FGF12: variants seen among roughly 807,000 people sequenced by gnomAD.
The protein encoded by FGF12 is fibroblast growth factor 12.
FGF12 carries 14 observed loss-of-function variants against 23.6 expected under a neutral mutation model. The observed-to-expected ratio is 0.59, with a 90% CI of 0.39 to 0.93. FGF12 has a LOEUF of 0.93. Among genes scored for constraint, FGF12 ranks in the 40% least tolerant of loss-of-function variants. The pLI is 0.00. For synonymous variants in FGF12, 62 were observed against 77.3 expected (o/e 0.80, Z 1.04); for missense variants, 175 against 217.8 (o/e 0.80, Z 1.24).
At chr3:192,339,756 G>A (rs750845306) in intron 3 of FGF12, among the ~76,000 whole-genome samples, 11 of 151,928 alleles carry the variant, frequency 7.2e-5, no homozygotes, top group Non-Finnish European at 1.0e-4. Context: ...TGTATATTTC[G>A]GTAATGATAT....
chr3:192,344,737 C>A (rs1236407006), intron 3 of FGF12, among the ~76,000 whole-genome samples: 1 of 152,130 alleles, frequency 6.6e-6, no homozygotes, highest in Non-Finnish European at 1.5e-5. Flanking sequence ...GGTAAAAGTC[C>A]TGTCATTGAC....
At chr3:192,519,540 A>AT (rs200986426) in intron 2 of FGF12, among the ~76,000 whole-genome samples, 2,258 of 152,158 alleles carry the variant, frequency 0.015, 19 homozygotes, top group African/African-American at 0.034. Context: ...GTAAAGTTAC[A>AT]TTTTTTTCAT....
intron 4 of FGF12, among the ~76,000 whole-genome samples, chr3:192,209,367 C>G (rs780493952): frequency 2.8e-4 from 42 of 152,106 alleles, no homozygotes; most frequent in Non-Finnish European, 5.6e-4. Flanking sequence ...AGCTGGGTTC[C>G]TAGTGTCCTC....
chr3:192,537,949 C>CTTTTTTTT, intron 2 of FGF12, among the ~76,000 whole-genome samples: 1 of 99,150 alleles, frequency 1.0e-5, no homozygotes, highest in African/African-American at 3.2e-5. Context: ...AAGCCTTTAA[C>CTTTTTTTT]CTTTTTTTTT....
chr3:192,676,628 T>C (rs1382617122), intron 2 of FGF12, among the ~76,000 whole-genome samples: 1 of 152,186 alleles, frequency 6.6e-6, no homozygotes, highest in African/African-American at 2.4e-5. Context: ...TATTTTGAGA[T>C]AGGGCCCTTA....
At position 192,408,376 on chromosome 3, in the gene FGF12, C is replaced by G; in HGVS notation, c.14-47838G>C. ...GGAGGCTGCAGTATCGAAAACCCGG[C>G]GCTCACAAGGTTAGTCAAAGTCTGG... On this transcript the variant is annotated intron_variant, in intron 2 of 5. Coordinates refer to ENST00000445105, the MANE Select transcript of FGF12 (RefSeq NM_004113.6). The surrounding 1 kb of genome is among the most constrained non-coding windows in gnomAD (Gnocchi z 7.3). 7.1e-7 allele frequency: 1 copy of G among 1,418,394 alleles called. No individual in the cohort carries two copies. The highest frequency in any genetic ancestry group is 9.2e-7 in the Non-Finnish European group (1 of 1,090,326). 87.9% of individuals were successfully genotyped at this position (1,418,394 alleles called of 1,614,324 possible).
chr3:192,391,034 CA>C (rs1233341110), intron 2 of FGF12, among the ~76,000 whole-genome samples: 2 of 151,810 alleles, frequency 1.3e-5, no homozygotes, highest in East Asian at 3.9e-4. Flanking sequence ...ATCTGTGGCT[CA>C]AAAATATAGA....
chr3:192,169,028 G>A (rs1715389043), intron 5 of FGF12, among the ~76,000 whole-genome samples: 1 of 152,016 alleles, frequency 6.6e-6, no homozygotes, highest in South Asian at 2.1e-4. Flanking sequence ...CAGGGGTGAT[G>A]AACAAAATGA....
chr3:192,718,161 C>CTTTTTTTTTTTTTTTTTTTTTTTTTTT (rs71177369), intron 2 of FGF12, among the ~76,000 whole-genome samples: 1 of 77,970 alleles, frequency 1.3e-5, no homozygotes, highest in African/African-American at 4.9e-5. Flanking sequence ...GTTAGTCTTT[C>CTTTTTTTTTTTTTTTTTTTTTTTTTTT]TTTTTTTTTT....
At chr3:192,674,304 A>C (rs1422676028) in intron 2 of FGF12, among the ~76,000 whole-genome samples, 2 of 152,234 alleles carry the variant, frequency 1.3e-5, no homozygotes, top group African/African-American at 2.4e-5. Flanking sequence ...CATGCTATCC[A>C]CTGACTCAAT....
At chr3:192,593,863 T>A (rs923062978) in intron 2 of FGF12, among the ~76,000 whole-genome samples, 3 of 151,816 alleles carry the variant, frequency 2.0e-5, no homozygotes, top group African/African-American at 4.8e-5. Flanking sequence ...GGAAAAAAAA[T>A]TCCTCTTTTT....
chr3:192,494,834 G>A (rs2108828567), intron 2 of FGF12, among the ~76,000 whole-genome samples: 1 of 86,730 alleles, frequency 1.2e-5, no homozygotes, highest in East Asian at 3.3e-4. Flanking sequence ...GAATTGGAGG[G>A]CCTATGCATA....
chr3:192,213,840 G>C (rs1054132281), intron 4 of FGF12, among the ~76,000 whole-genome samples: 3 of 152,118 alleles, frequency 2.0e-5, no homozygotes, highest in Admixed American at 2.0e-4. Flanking sequence ...TTGGATCTTC[G>C]TGGCCCATTT....
At chr3:192,410,254 C>G (rs561426044) in intron 2 of FGF12, among the ~76,000 whole-genome samples, 1 of 152,308 alleles carries the variant, frequency 6.6e-6, no homozygotes, top group South Asian at 2.1e-4. Flanking sequence ...AGACTCCCTT[C>G]TTTCCTCCCT....
chr3:192,333,941 G>T (rs189943588), intron 4 of FGF12, among the ~76,000 whole-genome samples: 1 of 152,040 alleles, frequency 6.6e-6, no homozygotes, highest in Non-Finnish European at 1.5e-5. Flanking sequence ...ATGATTTTGG[G>T]GGGGAGTTCA....
At chr3:192,648,801 G>A (rs969055556) in intron 2 of FGF12, among the ~76,000 whole-genome samples, 3 of 152,188 alleles carry the variant, frequency 2.0e-5, no homozygotes, top group African/African-American at 4.8e-5. Context: ...TAAATTTTCT[G>A]TGAGGTAAGG....
chr3:192,596,055 T>G (rs934749413), intron 2 of FGF12, among the ~76,000 whole-genome samples: 7 of 141,066 alleles, frequency 5.0e-5, no homozygotes, highest in Non-Finnish European at 7.7e-5. Context: ...ATTGTACCAC[T>G]GTACTCCAGC....
intron 5 of FGF12, among the ~76,000 whole-genome samples, chr3:192,154,868 T>C (rs1430496512): frequency 7.1e-6 from 1 of 141,788 alleles, no homozygotes; most frequent in Non-Finnish European, 1.6e-5. Context: ...GGCTGCTTTG[T>C]TTACCTAAAC....
intron 2 of FGF12, among the ~76,000 whole-genome samples, chr3:192,512,054 C>A (rs1037486707): frequency 6.6e-6 from 1 of 152,046 alleles, no homozygotes; most frequent in East Asian, 1.9e-4. Flanking sequence ...ATCTCTTAAC[C>A]TACTGTAACA....
Sources: gnomAD v4.1 joint callset for allele counts (sites outside exome capture counted in the v4.1 genomes callset) on GRCh38, gnomAD v4.1.1 for gene constraint, Gnocchi (gnomAD v3.1) non-coding constraint, MANE v1.5 for transcripts, NCBI Gene and HGNC (gene_info 2026-07-23, HGNC 2026-07-21) for gene names.